SLC24A2: variants seen among roughly 807,000 people sequenced by gnomAD.
The protein encoded by SLC24A2 is sodium/potassium/calcium exchanger 2.
Under a neutral mutation model 62.0 loss-of-function variants are expected in SLC24A2, and 36 were observed. The observed-to-expected ratio is 0.58, with a 90% CI of 0.44 to 0.77. SLC24A2 has a LOEUF of 0.77. SLC24A2 is among the 30% of genes least tolerant of loss of function. SLC24A2 has a pLI of 0.00. For synonymous variants in SLC24A2, 358 were observed against 294.0 expected, an observed-to-expected ratio of 1.22 and a Z score of -2.23; for missense variants, 846 against 817.9, an observed-to-expected ratio of 1.03 and a Z score of -0.42.
At chr9:19,845,435 T>C in the SLC24A2 span, among the ~76,000 whole-genome samples, 1 of 152,206 alleles carries the variant, frequency 6.6e-6, no homozygotes, top group Non-Finnish European at 1.5e-5. Flanking sequence ...TAGGGTTCTT[T>C]AGGTGTAGAA....
chr9:20,066,921 C>T, the SLC24A2 span, among the ~76,000 whole-genome samples: 1 of 152,128 alleles, frequency 6.6e-6, no homozygotes, highest in Admixed American at 6.6e-5. Flanking sequence ...TAGGTCCCCA[C>T]ATGCAAGGAA....
chr9:19,563,796 C>CCCTTCCTTCCTTCCTTCCTTCCTT (rs1181236935), intron 7 of SLC24A2, among the ~76,000 whole-genome samples: 2 of 60,814 alleles, frequency 3.3e-5, no homozygotes, highest in African/African-American at 6.1e-5. Context: ...TTTATAATGA[C>CCCTTCCTTCCTTCCTTCCTTCCTT]CCTTCCTTCC....
intron 2 of SLC24A2, among the ~76,000 whole-genome samples, chr9:19,670,273 C>T (rs1207785935): frequency 6.6e-6 from 1 of 152,112 alleles, no homozygotes; most frequent in African/African-American, 2.4e-5. Context: ...CTGGGTTATT[C>T]CTTATTAAGT....
chr9:20,035,864 G>T, the SLC24A2 span, among the ~76,000 whole-genome samples: 1 of 152,196 alleles, frequency 6.6e-6, no homozygotes, highest in African/African-American at 2.4e-5. Flanking sequence ...CAAAACCACT[G>T]CCTTGCTGTT....
chr9:19,597,780 T>A (rs1315555409), intron 4 of SLC24A2, among the ~76,000 whole-genome samples: 1 of 152,162 alleles, frequency 6.6e-6, no homozygotes, highest in Non-Finnish European at 1.5e-5. Flanking sequence ...AAATCTAACA[T>A]GAAAAACCAC....
the SLC24A2 span, among the ~76,000 whole-genome samples, chr9:19,912,442 A>G: frequency 1.3e-5 from 2 of 152,128 alleles, no homozygotes; most frequent in Non-Finnish European, 2.9e-5. Flanking sequence ...CGGTTTCAGT[A>G]ATTTGTCAAG....
intron 8 of SLC24A2, among the ~76,000 whole-genome samples, chr9:19,543,044 T>C (rs200098334): frequency 1.3e-5 from 2 of 152,202 alleles, no homozygotes; most frequent in Non-Finnish European, 2.9e-5. Flanking sequence ...TGGTAGAATT[T>C]GGCAGTGAAT....
the SLC24A2 span, among the ~76,000 whole-genome samples, chr9:20,012,215 G>C: frequency 6.6e-6 from 1 of 152,316 alleles, no homozygotes; most frequent in South Asian, 2.1e-4. Flanking sequence ...AAAGAAAGAG[G>C]TTTACTGGAT....
the SLC24A2 span, among the ~76,000 whole-genome samples, chr9:19,938,237 C>T: frequency 2.6e-5 from 4 of 152,044 alleles, no homozygotes; most frequent in Admixed American, 2.0e-4. Flanking sequence ...AGCCAGTTGC[C>T]CACTGTTGGA....
chr9:20,161,520 T>C, the SLC24A2 span, among the ~76,000 whole-genome samples: 1 of 151,298 alleles, frequency 6.6e-6, no homozygotes, highest in East Asian at 2.0e-4. Flanking sequence ...ATTAAGAAAA[T>C]ATATCATTAT....
At chr9:19,671,235 C>T (rs1173497339) in intron 2 of SLC24A2, among the ~76,000 whole-genome samples, 1 of 151,724 alleles carries the variant, frequency 6.6e-6, no homozygotes, top group Non-Finnish European at 1.5e-5. Context: ...AGCAGTGTTT[C>T]ATAGTTTTCC....
chr9:20,146,648 T>C, the SLC24A2 span, among the ~76,000 whole-genome samples: 2 of 152,166 alleles, frequency 1.3e-5, no homozygotes, highest in African/African-American at 2.4e-5. Flanking sequence ...AAATTGGTTT[T>C]TAAACCTACA....
At chr9:20,036,566 T>C in the SLC24A2 span, among the ~76,000 whole-genome samples, 1 of 152,206 alleles carries the variant, frequency 6.6e-6, no homozygotes, top group Non-Finnish European at 1.5e-5. Flanking sequence ...AGATTCCACA[T>C]GTAAGTGAGA....
the SLC24A2 span, among the ~76,000 whole-genome samples, chr9:19,861,089 A>G: frequency 9.2e-5 from 14 of 152,136 alleles, no homozygotes; most frequent in African/African-American, 3.1e-4. Flanking sequence ...TTTAGCATAC[A>G]TAACTGGTAG....
intron 7 of SLC24A2, among the ~76,000 whole-genome samples, chr9:19,567,030 G>A (rs1835680095): frequency 6.6e-6 from 1 of 151,912 alleles, no homozygotes; most frequent in Admixed American, 6.6e-5. Context: ...AATGGCTGCG[G>A]CACACCAACA....
At chr9:19,901,679 A>G in the SLC24A2 span, among the ~76,000 whole-genome samples, 1 of 152,210 alleles carries the variant, frequency 6.6e-6, no homozygotes, top group East Asian at 1.9e-4. Context: ...AGTATCTACA[A>G]TTAGGCCCTA....
chr9:19,991,996 G>A, the SLC24A2 span, among the ~76,000 whole-genome samples: 4 of 152,208 alleles, frequency 2.6e-5, no homozygotes, highest in African/African-American at 4.8e-5. Context: ...CAAGTTTTTA[G>A]ACTGCTGAAT....
chr9:19,518,628 G>T (rs767725909), intron 10 of SLC24A2, among the ~76,000 whole-genome samples: 3 of 152,032 alleles, frequency 2.0e-5, no homozygotes, highest in Non-Finnish European at 4.4e-5. Flanking sequence ...CACCATCTGG[G>T]CCAGGATGGT....
At chr9:19,895,698 T>C in the SLC24A2 span, 1 of 1,013,598 alleles carries the variant, frequency 9.9e-7, no homozygotes, top group Non-Finnish European at 1.4e-6. Flanking sequence ...CACTGTTCAT[T>C]GGGTGGCTCT....
Sources: allele counts gnomAD v4.1 joint callset (sites outside exome capture counted in the v4.1 genomes callset), GRCh38; gene constraint gnomAD v4.1.1; transcripts MANE v1.5; gene names NCBI Gene and HGNC (gene_info 2026-07-23, HGNC 2026-07-21).